The following FAM91A1 variants were observed in gnomAD, a reference collection of about 807,000 sequenced individuals.
FAM91A1 encodes the protein protein FAM91A1.
In FAM91A1, 41 loss-of-function variants were observed where a neutral mutation model predicts 113.5. The ratio of observed to expected loss-of-function variants is 0.36; its 90% CI spans 0.28 to 0.47. The LOEUF is 0.47. Ranked by LOEUF, FAM91A1 falls within the 20% of genes least tolerant of loss-of-function variation. The probability of loss-of-function intolerance (pLI) is 1.00; values close to 1 mark genes in which losing one functional copy is unlikely to be tolerated. For synonymous variants in FAM91A1, 307 were observed against 347.9 expected, an observed-to-expected ratio of 0.88 and a Z score of 1.31; for missense variants, 696 against 1,001.2, an observed-to-expected ratio of 0.70 and a Z score of 4.11.
intron 3 of FAM91A1, among the ~76,000 whole-genome samples, chr8:123,776,503 G>A (rs912383833): frequency 6.6e-6 from 1 of 152,176 alleles, no homozygotes; most frequent in African/African-American, 2.4e-5. Context: ...CGATAGCCCA[G>A]GTAGCATAGT....
chr8:123,773,325 C>T (rs958642075), intron 1 of FAM91A1, among the ~76,000 whole-genome samples: 14 of 152,162 alleles, frequency 9.2e-5, no homozygotes, highest in African/African-American at 3.1e-4. Context: ...TCTAATTTCA[C>T]TTTATAGTGT....
chr8:123,778,904 A>T (rs1815052411), intron 6 of FAM91A1, 132 bp downstream of exon 6: 4 of 617,544 alleles, frequency 6.5e-6, no homozygotes, highest in Non-Finnish European at 1.0e-5. Flanking sequence ...TTTAAAATTT[A>T]AAATGATCTT....
At chr8:123,779,910 A>G in intron 6 of FAM91A1, 75 bp from the exon 7 acceptor site, 2 of 1,232,328 alleles carry the variant, frequency 1.6e-6, no homozygotes, top group South Asian at 1.3e-5. Flanking sequence ...TGGTTTCAAC[A>G]TAAATAAATT....
At chr8:123,808,713 C>T (rs998872896) in intron 21 of FAM91A1, 180 bp from the exon 22 acceptor site, 3 of 561,710 alleles carry the variant, frequency 5.3e-6, no homozygotes, top group Non-Finnish European at 9.0e-6. Flanking sequence ...AATGCCTATC[C>T]TGTTTAGAGA....
chr8:123,787,198 A>C, intron 12 of FAM91A1, 63 bp from the exon 13 acceptor site: 2 of 1,238,254 alleles, frequency 1.6e-6, no homozygotes, highest in Non-Finnish European at 2.3e-6. Context: ...AAATACTTTC[A>C]CTCCAAATGG....
intron 15 of FAM91A1, 90 bp downstream of exon 15, chr8:123,789,835 CACTT>C (rs1244520345): frequency 9.1e-6 from 13 of 1,431,044 alleles, no homozygotes; most frequent in Non-Finnish European, 1.2e-5. Flanking sequence ...ATATAATCAT[CACTT>C]ACGTATTTTG....
intron 22 of FAM91A1, 94 bp downstream of exon 22, chr8:123,809,110 C>T (rs1815887308): frequency 6.6e-7 from 1 of 1,512,966 alleles, no homozygotes; most frequent in Non-Finnish European, 8.9e-7. Flanking sequence ...CACATGAGCA[C>T]AGTAATTGTT....
chr8:123,775,099 A>G (rs1814949075), intron 2 of FAM91A1, 48 bp from the exon 3 acceptor site: 2 of 1,513,390 alleles, frequency 1.3e-6, no homozygotes, highest in Non-Finnish European at 1.8e-6. Flanking sequence ...TTAATATATA[A>G]CTATAAGAAA....
In FAM91A1 at chr8:123,785,553, A is replaced by G. The variant is rs1257128736; in HGVS notation, c.850-76A>G. ...TTGAGAATCACTATTAGTCTATTAC[A>G]CTATTTTTTCTCTACAAATATTGTG... On this transcript the variant is annotated intron_variant, in intron 10 of 23. Coordinates refer to ENST00000334705, the MANE Select transcript of FAM91A1 (RefSeq NM_144963.4). 17 of 984,048 alleles carry G rather than the reference A, an allele frequency of 1.7e-5. No individual in the cohort carries two copies. The Admixed American group carries it at 2.6e-4, about 15-fold the overall frequency. The allele number at this position is 984,048 out of a possible 1,614,324, so 61.0% of individuals were successfully genotyped here. A position where few individuals can be genotyped will look rare whatever the true frequency, so the allele number is the denominator to read the frequency against.
chr8:123,786,306 C>T (rs918145197), intron 11 of FAM91A1, among the ~76,000 whole-genome samples, 189 bp from the exon 12 acceptor site: 1 of 152,092 alleles, frequency 6.6e-6, no homozygotes, highest in East Asian at 1.9e-4. Flanking sequence ...GAAGCCTATC[C>T]GTGGATCTTA....
Position 123,795,384 on chromosome 8 carries a change from G to A in FAM91A1, c.1412-2706G>A, listed in dbSNP as rs563389685. 8.5e-5 allele frequency among the ~76,000 whole-genome samples: 5 copies of A among 58,696 alleles called. No homozygotes were observed. The South Asian group carries it at 2.5e-3, about 29-fold the overall frequency. 38.5% of individuals were successfully genotyped at this position (58,696 alleles called of 152,430 possible). A position where few individuals can be genotyped will look rare whatever the true frequency, so the allele number is the denominator to read the frequency against. On this transcript the variant is annotated intron_variant, in intron 15 of 23. Coordinates refer to ENST00000334705, the MANE Select transcript of FAM91A1 (RefSeq NM_144963.4). Reference sequence around the variant, plus strand: ...CTCATGGTTTAACACACCACCCCCCGCCCCCCTGCCCTTTACAGCTGTCAT... The same window carrying A: ...CTCATGGTTTAACACACCACCCCCCACCCCCCTGCCCTTTACAGCTGTCAT...
rs191842667 is a variant in FAM91A1 at position 123,774,810 on chromosome 8, C to T, written c.158-337C>T. Among the ~76,000 whole-genome samples, 14 of 152,204 alleles carry T rather than the reference C, an allele frequency of 9.2e-5. No individual in the cohort carries two copies. In the East Asian group the frequency reaches 1.3e-3, roughly 15 times the overall value. ...AAAATAGACTTGACTTCATTGAAAACGAGCATTCAGTTTGGCTCTCTTGTA... is the reference window on the plus strand; with the variant it reads ...AAAATAGACTTGACTTCATTGAAAATGAGCATTCAGTTTGGCTCTCTTGTA... On this transcript the variant is annotated intron_variant, in intron 2 of 23. Transcript: ENST00000334705.
intron 14 of FAM91A1, 113 bp from the exon 15 acceptor site, chr8:123,789,500 A>T: frequency 2.6e-6 from 4 of 1,513,266 alleles, no homozygotes; most frequent in Non-Finnish European, 3.6e-6. Context: ...TGCCTGGGCA[A>T]ATTTTTGATT....
intron 11 of FAM91A1, 146 bp from the exon 12 acceptor site, chr8:123,786,348 AT>A: frequency 1.6e-6 from 1 of 624,728 alleles, no homozygotes; most frequent in Non-Finnish European, 2.9e-6. Context: ...TAGGCAGAGC[AT>A]TTTTGGGCTG....
intron 18 of FAM91A1, among the ~76,000 whole-genome samples, chr8:123,804,645 G>A (rs1468168652): frequency 6.6e-6 from 1 of 151,578 alleles, no homozygotes; most frequent in Non-Finnish European, 1.5e-5. Context: ...GTGTCTTTAT[G>A]CATATGCAAG....
intron 2 of FAM91A1, 131 bp downstream of exon 2, chr8:123,774,295 GA>G: frequency 1.7e-6 from 1 of 590,376 alleles, no homozygotes; most frequent in South Asian, 3.4e-5. Flanking sequence ...ACTCTACACT[GA>G]TCCATTCCAC....
At chr8:123,787,230 T>A in intron 12 of FAM91A1, 31 bp from the exon 13 acceptor site, 1 of 1,473,058 alleles carries the variant, frequency 6.8e-7, no homozygotes, top group Non-Finnish European at 9.4e-7. Flanking sequence ...TAATTTCCAT[T>A]TACTTGATTT....
intron 7 of FAM91A1, 42 bp from the exon 8 acceptor site, chr8:123,780,438 G>T: frequency 6.9e-7 from 1 of 1,450,142 alleles, no homozygotes. Context: ...AATCACTGTT[G>T]TGTAGTGTTC....
Position 123,808,941 on chromosome 8 carries a change from T to C in FAM91A1, c.2186T>C (p.Ile729Thr). 6.2e-7 allele frequency: 1 copy of C among 1,612,732 alleles called. No individual in the cohort carries two copies. The highest frequency in any genetic ancestry group is 8.5e-7 in the Non-Finnish European group (1 of 1,179,340). ...DWVPLELCFG[I>T]PLFSSELNRK... ...GTTCCTCTCGAGCTGTGCTTTGGAA[T>C]TCCACTGTTCAGTTCCGAATTAAAC... The change falls in exon 22 of 24, where the codon ATT becomes ACT. Residue 729 changes from isoleucine (I) to threonine (T), a missense_variant. Physicochemically the swap from Ile to Thr is moderately conservative, Grantham distance 89. Transcript: ENST00000334705.
Sources: allele counts gnomAD v4.1 joint callset (sites outside exome capture counted in the v4.1 genomes callset), GRCh38; gene constraint gnomAD v4.1.1; transcripts MANE v1.5; gene names NCBI Gene and HGNC (gene_info 2026-07-23, HGNC 2026-07-21).